PCDHGB6: variants seen among roughly 807,000 people sequenced by gnomAD.
PCDHGB6 encodes the protein protocadherin gamma subfamily B, 6, also known as protocadherin gamma-B6.
PCDHGB6 carries 51 observed loss-of-function variants against 59.1 expected under a neutral mutation model. The observed-to-expected ratio is 0.86, with a 90% CI of 0.69 to 1.09. The LOEUF is 1.09. PCDHGB6 is among the 50% of genes least tolerant of loss of function. The pLI, the probability that PCDHGB6 is intolerant of heterozygous loss-of-function variation, is 0.00. For synonymous variants in PCDHGB6, 466 were observed against 495.1 expected (o/e 0.94, Z 0.78); for missense variants, 1,148 against 1,205.1 (o/e 0.95, Z 0.70).
chr5:141,433,176 T>A, intron 1 of PCDHGB6: 1 of 1,610,288 alleles, frequency 6.2e-7, no homozygotes, highest in Non-Finnish European at 8.5e-7. Flanking sequence ...AGTCATGGGT[T>A]AATTGAGGTG....
At chr5:141,441,725 C>T (rs2098268012) in intron 1 of PCDHGB6, 3 of 352,332 alleles carry the variant, frequency 8.5e-6, no homozygotes. Flanking sequence ...AGGCCCGCGA[C>T]CAGGACTAGC....
At chr5:141,419,928 T>G in intron 1 of PCDHGB6, 1 of 1,614,084 alleles carries the variant, frequency 6.2e-7, no homozygotes, top group South Asian at 1.1e-5. Flanking sequence ...GAGATGCAGT[T>G]TTACCTGGTG....
intron 1 of PCDHGB6, among the ~76,000 whole-genome samples, chr5:141,468,738 T>C (rs965510711): frequency 3.0e-4 from 46 of 151,958 alleles, no homozygotes; most frequent in South Asian, 2.1e-3. Flanking sequence ...TGGTGGCGGG[T>C]GCCTGTAGTC....
At chr5:141,415,153 G>A in intron 1 of PCDHGB6, 4 of 1,613,780 alleles carry the variant, frequency 2.5e-6, no homozygotes, top group South Asian at 2.2e-5. Flanking sequence ...CCCTCTCTCC[G>A]CCACTGTCAC....
chr5:141,479,050 C>G (rs1484021560), intron 1 of PCDHGB6, among the ~76,000 whole-genome samples: 1 of 152,164 alleles, frequency 6.6e-6, no homozygotes, highest in South Asian at 2.1e-4. Context: ...ACCTCATTCT[C>G]AGATAATTTT....
At position 141,490,171 on chromosome 5, in the gene PCDHGB6, G is replaced by A. The variant is rs374421995; in HGVS notation, c.2419-4636G>A. 4 of 1,614,100 alleles carry A rather than the reference G, an allele frequency of 2.5e-6. No individual in the cohort carries two copies. The highest frequency in any genetic ancestry group is 3.4e-6 in the Non-Finnish European group (4 of 1,180,034). On this transcript the variant is annotated intron_variant, in intron 1 of 3. Coordinates refer to ENST00000520790, the MANE Select transcript of PCDHGB6 (RefSeq NM_018926.3). The surrounding 1 kb of genome is among the most constrained non-coding windows in gnomAD (Gnocchi z 5.4). ...CCATGTGTTGGGTCCCATAGACTTT[G>A]AGGAGTCACGTTTCTATGAAATTCA...
Position 141,421,742 on chromosome 5 carries a change from A to G in PCDHGB6, c.2418+11122A>G, listed in dbSNP as rs772984365. The stretch of plus-strand genomic sequence containing the variant: ...GGCGTGAACTCCCTCCAGAGCTACC[A>G]GCTCAGCCCTAATAATTACTTTTCC... On this transcript the variant is annotated intron_variant, in intron 1 of 3. Transcript: ENST00000520790. The G allele has an allele frequency of 4.3e-6, 7 of 1,613,826 alleles. No individual in the cohort carries two copies. The East Asian group carries it at 1.3e-4, about 31-fold the overall frequency.
intron 1 of PCDHGB6, chr5:141,478,730 G>A: frequency 6.5e-7 from 1 of 1,538,906 alleles, no homozygotes; most frequent in South Asian, 1.2e-5. Flanking sequence ...GCCAGAGTGT[G>A]GTTTGTGGTC....
In PCDHGB6 at chr5:141,486,718, A is replaced by G; in HGVS notation, c.2419-8089A>G. 6.2e-7 allele frequency: 1 copy of G among 1,614,106 alleles called. No individual in the cohort carries two copies. The highest frequency in any genetic ancestry group is 1.7e-5 in the Admixed American group (1 of 60,022). On this transcript the variant is annotated intron_variant, in intron 1 of 3. Coordinates refer to ENST00000520790, the MANE Select transcript of PCDHGB6 (RefSeq NM_018926.3). This position sits in a 1 kb window ranked among gnomAD's most constrained non-coding sequence, Gnocchi z 5.0. Reference sequence around the variant, plus strand: ...TCATCTCTCTGAACCCCCAGACAGGAGCTGTTCATGCTACTCGATCCTTTG... The same window carrying G: ...TCATCTCTCTGAACCCCCAGACAGGGGCTGTTCATGCTACTCGATCCTTTG...
Position 141,432,195 on chromosome 5 carries a change from C to A in PCDHGB6, c.2418+21575C>A, listed in dbSNP as rs1334965321. ...CTCGTCTCTGTGACCGCCCACGACC[C>A]CGACTGTGAAGAGAACGCCCAGATC... On this transcript the variant is annotated intron_variant, in intron 1 of 3. Transcript: ENST00000520790. This position sits in a 1 kb window ranked among gnomAD's most constrained non-coding sequence, Gnocchi z 6.0. 22 of 1,614,088 alleles carry A rather than the reference C, an allele frequency of 1.4e-5. No homozygotes were observed. The highest frequency in any genetic ancestry group is 1.9e-5 in the Non-Finnish European group (22 of 1,180,058).
At chr5:141,410,764 A>G (rs1288407043) in intron 1 of PCDHGB6, 144 bp downstream of exon 1, 2 of 1,105,068 alleles carry the variant, frequency 1.8e-6, no homozygotes, top group African/African-American at 1.6e-5. Context: ...TTTTTCAATT[A>G]TAGTTTTCAC....
Position 141,408,917 on chromosome 5 carries a change from C to T in PCDHGB6, c.715C>T (p.Pro239Ser), listed in dbSNP as rs549266523. Reference protein sequence around the residue: ...EISVKDTNDNPPVFSRDEYRI... With the variant: ...EISVKDTNDNSPVFSRDEYRI... ...TTCTGTCAAGGATACCAATGATAACCCCCCGGTTTTCAGCAGAGACGAATA... is the reference window on the plus strand; with the variant it reads ...TTCTGTCAAGGATACCAATGATAACTCCCCGGTTTTCAGCAGAGACGAATA... Residue 239 changes from proline (P) to serine (S), a missense_variant, in exon 1 of 4, where the codon CCC (proline) becomes TCC (serine). Physicochemically the swap from Pro to Ser is moderately conservative, Grantham distance 74. This residue lies in a region of PCDHGB6 where 307 missense variants were observed against 323.8 expected (regional missense o/e 0.95). Transcript: ENST00000520790. 1.2e-6 allele frequency: 2 copies of T among 1,613,248 alleles called. No individual in the cohort carries two copies. The highest frequency in any genetic ancestry group is 8.5e-7 in the Non-Finnish European group (1 of 1,179,734).
chr5:141,410,352 G>T lies in PCDHGB6; in HGVS notation c.2150G>T (p.Arg717Leu), dbSNP rs754268147. 2.5e-6 allele frequency: 4 copies of T among 1,614,022 alleles called. No individual in the cohort carries two copies. The highest frequency in any genetic ancestry group is 2.2e-5 in the South Asian group (2 of 91,082). Residue 717 changes from arginine (R) to leucine (L), a missense_variant, in exon 1 of 4, where the codon CGC (arginine) becomes CTC (leucine). Arg to Leu is a moderately radical substitution (Grantham distance 102). Around this residue, in one of 5 missense-constraint regions of PCDHGB6, gnomAD observed 283 missense variants for 318.6 expected, o/e 0.89. Transcript: ENST00000520790. Reference protein sequence around the residue: ...VILAIALRLRRSLSPATWDCF... With the variant: ...VILAIALRLRLSLSPATWDCF... Reference sequence around the variant, plus strand: ...CTGGCCATTGCCTTGCGCCTGCGACGCTCTCTCAGCCCTGCTACTTGGGAC... The same window carrying T: ...CTGGCCATTGCCTTGCGCCTGCGACTCTCTCTCAGCCCTGCTACTTGGGAC...
intron 1 of PCDHGB6, 21 bp downstream of exon 1, chr5:141,410,641 T>G: frequency 6.3e-7 from 1 of 1,599,146 alleles, no homozygotes. Context: ...CTTTTTTGTG[T>G]GTGATTTATC....
chr5:141,479,733 A>G (rs2099504879), intron 1 of PCDHGB6: 1 of 152,254 alleles, frequency 6.6e-6, no homozygotes, highest in Admixed American at 6.5e-5. Context: ...TTTCTTAAGT[A>G]TATGCACAAT....
In PCDHGB6 at chr5:141,408,396, A is replaced by G. The variant is rs764101918; in HGVS notation, c.194A>G (p.Lys65Arg). ...AGTGTCCTGGATGTGTCGGCTCGCA[A>G]GCTGCGAGTGAGCGCGGAGAAGCTG... ...GLSVLDVSAR[K>R]LRVSAEKLHF... The change falls in exon 1 of 4, where the codon AAG becomes AGG. Residue 65 changes from lysine to arginine, a missense_variant. By Grantham distance (26) the Lys-to-Arg change is conservative. Coordinates refer to ENST00000520790, the MANE Select transcript of PCDHGB6 (RefSeq NM_018926.3). 18 of 1,614,020 alleles carry G rather than the reference A, an allele frequency of 1.1e-5. No individual in the cohort carries two copies. Among genetic ancestry groups the G allele is most frequent in the South Asian group, 5.5e-5 (5 of 91,086 alleles).
chr5:141,425,528 C>T (rs2096881702), intron 1 of PCDHGB6, among the ~76,000 whole-genome samples: 1 of 152,200 alleles, frequency 6.6e-6, no homozygotes, highest in African/African-American at 2.4e-5. Context: ...AAACATGAAA[C>T]AATAATCCTT....
chr5:141,422,414 A>G (rs2096646645), intron 1 of PCDHGB6: 1 of 1,604,894 alleles, frequency 6.2e-7, no homozygotes, highest in Admixed American at 1.7e-5. Context: ...TTTAAATTAG[A>G]AAAGACTTAT....
At chr5:141,418,665 A>T in intron 1 of PCDHGB6, 1 of 1,614,070 alleles carries the variant, frequency 6.2e-7, no homozygotes, top group Non-Finnish European at 8.5e-7. Context: ...GCCACTGACC[A>T]GGACGAGGGC....
Sources: gnomAD v4.1 joint callset for allele counts (sites outside exome capture counted in the v4.1 genomes callset) on GRCh38, gnomAD v4.1.1 for gene constraint, gnomAD v4.1.1 regional missense constraint, Gnocchi (gnomAD v3.1) non-coding constraint, MANE v1.5 for transcripts, NCBI Gene and HGNC (gene_info 2026-07-23, HGNC 2026-07-21) for gene names.